The following DPP6 variants were observed in gnomAD, a reference collection of about 807,000 sequenced individuals.
DPP6 encodes the protein dipeptidyl peptidase like 6, also known as A-type potassium channel modulatory protein DPP6.
DPP6 carries 69 observed loss-of-function variants against 122.6 expected under a neutral mutation model. The ratio of observed to expected loss-of-function variants is 0.56; its 90% CI spans 0.46 to 0.69. The LOEUF (loss-of-function observed/expected upper bound fraction) is 0.69. Ranked by LOEUF, DPP6 falls within the 30% of genes least tolerant of loss-of-function variation. The probability of loss-of-function intolerance (pLI) is 0.00; values close to 1 mark genes in which losing one functional copy is unlikely to be tolerated. For missense variants in DPP6, 928 were observed against 1,116.9 expected (o/e 0.83, Z 2.41); for synonymous variants, 418 against 433.1 (o/e 0.97, Z 0.43).
intron 18 of DPP6, among the ~76,000 whole-genome samples, chr7:154,869,294 A>G (rs576910083): frequency 6.6e-6 from 1 of 152,310 alleles, no homozygotes; most frequent in South Asian, 2.1e-4. Context: ...ACAATCACCT[A>G]ACAGACTCAG....
chr7:154,073,227 C>T (rs1238942387), intron 1 of DPP6, among the ~76,000 whole-genome samples: 13 of 152,216 alleles, frequency 8.5e-5, no homozygotes, highest in South Asian at 4.1e-4. Context: ...TGGTCTGTGA[C>T]GCTGGGATTG....
rs77813538 is a variant in DPP6, at chr7:154,305,587, T to C, written c.244-140627T>C. 5,572 of 1,564,488 alleles carry C rather than the reference T, an allele frequency of 3.6e-3. 169 individuals are homozygous for C. In the African/African-American group the frequency reaches 0.067, roughly 19 times the overall value. ...TTTTGGGGGTCCGTGTGTGTGTGTG[T>C]GCGTGCGTGTGCATGCGTGCATATG... On this transcript the variant is annotated intron_variant, in intron 1 of 25. Coordinates refer to ENST00000377770, the MANE Select transcript of DPP6 (RefSeq NM_130797.4).
At chr7:153,802,169 T>A in the DPP6 span, among the ~76,000 whole-genome samples, 1 of 152,186 alleles carries the variant, frequency 6.6e-6, no homozygotes, top group African/African-American at 2.4e-5. Flanking sequence ...GGGGCACACC[T>A]AAATCTAAAT....
chr7:153,937,540 C>T (rs761079731), intron 1 of DPP6, among the ~76,000 whole-genome samples: 5 of 148,442 alleles, frequency 3.4e-5, no homozygotes, highest in African/African-American at 5.1e-5. Context: ...CTCTCCCTCC[C>T]GGGTTCAAGT....
intron 1 of DPP6, among the ~76,000 whole-genome samples, chr7:154,053,268 G>A (rs966672569): frequency 1.2e-3 from 182 of 151,550 alleles, no homozygotes; most frequent in African/African-American, 4.3e-3. Flanking sequence ...GTCTGCAGCC[G>A]CGGCGGCCGG....
At chr7:154,552,997 T>C (rs983205929) in intron 4 of DPP6, among the ~76,000 whole-genome samples, 7 of 152,208 alleles carry the variant, frequency 4.6e-5, no homozygotes, top group African/African-American at 1.7e-4. Context: ...AGGGACAAGA[T>C]GTCACCATGC....
chr7:153,833,390 C>T, the DPP6 span, among the ~76,000 whole-genome samples: 1 of 152,178 alleles, frequency 6.6e-6, no homozygotes. Context: ...AAGGGAGAAG[C>T]CAGCCGGGCA....
intron 1 of DPP6, chr7:154,026,507 A>T (rs1798961261): frequency 1.3e-5 from 2 of 152,210 alleles, no homozygotes; most frequent in Non-Finnish European, 2.9e-5. Flanking sequence ...AGGGCTTTCT[A>T]GAACATGTAG....
chr7:153,947,047 A>C (rs1801980026), intron 1 of DPP6, among the ~76,000 whole-genome samples: 1 of 152,110 alleles, frequency 6.6e-6, no homozygotes, highest in Non-Finnish European at 1.5e-5. Flanking sequence ...GATGATTCAC[A>C]AGGGTGTGCC....
At chr7:154,539,103 T>C (rs1828499155) in intron 3 of DPP6, among the ~76,000 whole-genome samples, 1 of 152,232 alleles carries the variant, frequency 6.6e-6, no homozygotes, top group Non-Finnish European at 1.5e-5. Flanking sequence ...TGTTTTTCAG[T>C]CATCAACTAT....
intron 1 of DPP6, among the ~76,000 whole-genome samples, chr7:154,399,736 C>T (rs1815405456): frequency 6.6e-6 from 1 of 151,860 alleles, no homozygotes; most frequent in South Asian, 2.1e-4. Flanking sequence ...TGGGAGAACG[C>T]AGGGGTGGGG....
At chr7:154,087,058 T>C (rs1489495619) in intron 1 of DPP6, among the ~76,000 whole-genome samples, 21 of 152,038 alleles carry the variant, frequency 1.4e-4, no homozygotes, top group Non-Finnish European at 3.1e-4. Flanking sequence ...TGATGTTACA[T>C]ATTTTTTTCC....
At chr7:154,327,343 G>T (rs957168598) in intron 1 of DPP6, among the ~76,000 whole-genome samples, 2 of 152,142 alleles carry the variant, frequency 1.3e-5, no homozygotes, top group African/African-American at 4.8e-5. Flanking sequence ...CCTGACTTGA[G>T]TTTTAGTAAC....
At chr7:153,826,535 A>G in the DPP6 span, among the ~76,000 whole-genome samples, 1 of 152,166 alleles carries the variant, frequency 6.6e-6, no homozygotes, top group African/African-American at 2.4e-5. Context: ...TGTTGTTTGC[A>G]TACATATTCT....
Position 154,804,956 on chromosome 7 carries a change from A to G in DPP6, c.1539A>G (p.Gln513=). ...LSTEDLPRRR[Q]LYSANTVGNF... ...CGGAGGACCTGCCTCGGAGACGACA[A>G]CTCTACAGGTAACTCCTGCTCCCCC... The change falls in exon 15 of 26, where the codon CAA becomes CAG. Residue 513 remains glutamine (Q), a synonymous_variant. Transcript: ENST00000377770. The G allele has an allele frequency of 6.3e-7, 1 of 1,599,200 alleles. No homozygotes were observed.
At chr7:153,875,767 AC>A in the DPP6 span, among the ~76,000 whole-genome samples, 13 of 151,990 alleles carry the variant, frequency 8.6e-5, no homozygotes, top group Non-Finnish European at 1.8e-4. Context: ...GAAAAACGGG[AC>A]AAACAGAATT....
intron 21 of DPP6, chr7:154,885,145 C>T (rs533475288): frequency 6.4e-6 from 1 of 156,370 alleles, no homozygotes; most frequent in African/African-American, 2.4e-5. Context: ...TAGGACTTAC[C>T]TGAATACAGA....
At chr7:154,242,512 C>T (rs1293655186) in intron 1 of DPP6, among the ~76,000 whole-genome samples, 1 of 152,190 alleles carries the variant, frequency 6.6e-6, no homozygotes, top group East Asian at 1.9e-4. Context: ...CTGGCATAAA[C>T]AACTCTAAAG....
At chr7:154,672,841 T>C (rs1200561250) in intron 7 of DPP6, among the ~76,000 whole-genome samples, 2 of 152,204 alleles carry the variant, frequency 1.3e-5, no homozygotes. Context: ...ACAGATAGTT[T>C]CTAGCACAAT....
Sources: gnomAD v4.1 joint callset for allele counts (sites outside exome capture counted in the v4.1 genomes callset) on GRCh38, gnomAD v4.1.1 for gene constraint, MANE v1.5 for transcripts, NCBI Gene and HGNC (gene_info 2026-07-23, HGNC 2026-07-21) for gene names.